The following MIPOL1 variants were observed in gnomAD, a reference collection of about 807,000 sequenced individuals.
The protein encoded by MIPOL1 is mirror-image polydactyly 1, also known as mirror-image polydactyly gene 1 protein.
Under a neutral mutation model 60.9 loss-of-function variants are expected in MIPOL1, and 57 were observed. The ratio of observed to expected loss-of-function variants is 0.94; its 90% CI spans 0.76 to 1.17. The LOEUF (loss-of-function observed/expected upper bound fraction) is 1.17. Among genes scored for constraint, MIPOL1 ranks in the 50% most tolerant of loss-of-function variants. The pLI is 0.00. For missense variants in MIPOL1, 551 were observed against 511.6 expected (o/e 1.08, Z -0.74); for synonymous variants, 179 against 168.8 (o/e 1.06, Z -0.47).
chr14:37,290,808 C>T (rs541409436), intron 7 of MIPOL1, among the ~76,000 whole-genome samples: 3 of 151,774 alleles, frequency 2.0e-5, no homozygotes, highest in Non-Finnish European at 4.4e-5. Context: ...ATTTCATCAC[C>T]CCAGTATTAA....
chr14:37,477,385 G>A (rs2094793710), intron 11 of MIPOL1, among the ~76,000 whole-genome samples: 1 of 151,930 alleles, frequency 6.6e-6, no homozygotes, highest in African/African-American at 2.4e-5. Flanking sequence ...TTATTTTATT[G>A]AATCTGTTTA....
At chr14:37,287,157 C>T (rs2084640370) in intron 7 of MIPOL1, among the ~76,000 whole-genome samples, 2 of 151,646 alleles carry the variant, frequency 1.3e-5, no homozygotes, top group African/African-American at 4.8e-5. Context: ...AGGACTTACA[C>T]AGGTTGTCAT....
chr14:37,338,508 A>G, intron 9 of MIPOL1, among the ~76,000 whole-genome samples: 1 of 151,544 alleles, frequency 6.6e-6, no homozygotes, highest in Non-Finnish European at 1.5e-5. Flanking sequence ...TCCCAGATTC[A>G]AGTGATTTTC....
chr14:37,486,650 A>T (rs147410984), intron 11 of MIPOL1, among the ~76,000 whole-genome samples: 1 of 152,128 alleles, frequency 6.6e-6, no homozygotes, highest in Non-Finnish European at 1.5e-5. Context: ...GTGTATAGGA[A>T]TGCTTGTGAT....
At chr14:37,460,322 T>C (rs114907494) in intron 11 of MIPOL1, among the ~76,000 whole-genome samples, 194 of 152,192 alleles carry the variant, frequency 1.3e-3, no homozygotes, top group African/African-American at 4.3e-3. Context: ...CATCTCTTCA[T>C]GATAAAAACC....
chr14:37,423,076 T>C, intron 11 of MIPOL1, 127 bp downstream of exon 11: 1 of 590,914 alleles, frequency 1.7e-6, no homozygotes, highest in Non-Finnish European at 3.0e-6. Context: ...AAAGCATTTT[T>C]ATAACTAAAA....
At chr14:37,439,651 T>G (rs1455683149) in intron 11 of MIPOL1, among the ~76,000 whole-genome samples, 2 of 152,088 alleles carry the variant, frequency 1.3e-5, no homozygotes, top group Non-Finnish European at 2.9e-5. Context: ...CCTGAAAACG[T>G]CAACCCCTGG....
Position 37,450,160 on chromosome 14 carries a change from C to T in MIPOL1, c.1031+27211C>T, listed in dbSNP as rs375683013. On this transcript the variant is annotated intron_variant, in intron 11 of 12. Transcript: ENST00000684589. ...TGTGCATCATTATTTCAGCTCTTCCCATCCTGTCACTCTTAATTTCTGTTT... is the reference window on the plus strand; with the variant it reads ...TGTGCATCATTATTTCAGCTCTTCCTATCCTGTCACTCTTAATTTCTGTTT... 7.9e-5 allele frequency among the ~76,000 whole-genome samples: 12 copies of T among 151,960 alleles called. No individual in the cohort carries two copies. The East Asian group carries it at 1.9e-3, about 24-fold the overall frequency.
intron 10 of MIPOL1, among the ~76,000 whole-genome samples, chr14:37,382,030 G>A (rs1224920728): frequency 6.6e-6 from 1 of 151,976 alleles, no homozygotes; most frequent in Non-Finnish European, 1.5e-5. Flanking sequence ...GATGATGTCA[G>A]TATTTTGGAA....
At chr14:37,501,019 T>C (rs915795380) in intron 12 of MIPOL1, among the ~76,000 whole-genome samples, 1 of 152,232 alleles carries the variant, frequency 6.6e-6, no homozygotes, top group East Asian at 1.9e-4. Context: ...TACTTCTTAT[T>C]TGAAAATGTC....
At chr14:37,403,018 T>C (rs1320607108) in intron 10 of MIPOL1, among the ~76,000 whole-genome samples, 1 of 152,164 alleles carries the variant, frequency 6.6e-6, no homozygotes, top group African/African-American at 2.4e-5. Flanking sequence ...AGCTGTTACA[T>C]TGCTTGTGTA....
At chr14:37,467,768 T>A (rs1257086401) in intron 11 of MIPOL1, among the ~76,000 whole-genome samples, 1 of 152,024 alleles carries the variant, frequency 6.6e-6, no homozygotes, top group Non-Finnish European at 1.5e-5. Context: ...AGGTTAGAGA[T>A]TTTTGGCCGG....
At chr14:37,300,106 T>G (rs1425469897) in intron 7 of MIPOL1, among the ~76,000 whole-genome samples, 1 of 151,722 alleles carries the variant, frequency 6.6e-6, no homozygotes, top group Non-Finnish European at 1.5e-5. Context: ...ATATTAACCT[T>G]GATCATCTGG....
chr14:37,524,565 C>CTTTTT lies in MIPOL1; in HGVS notation c.1263-22336_1263-22335insTTTTT, dbSNP rs1173993657. ...TCTTGACATCTTAATTTTTCTTTTT[C>CTTTTT]TTTTCTTTTTTTTTTTTTTTGAGAT... is the stretch of plus-strand genomic sequence containing the variant. On this transcript the variant is annotated intron_variant, in intron 12 of 12. Transcript: ENST00000684589. 3.8e-4 allele frequency among the ~76,000 whole-genome samples: 48 copies of CTTTTT among 124,810 alleles called. 3 individuals are homozygous for CTTTTT. The highest frequency in any genetic ancestry group is 4.7e-4 in the Non-Finnish European group (29 of 61,690). 81.9% of individuals were successfully genotyped at this position (124,810 alleles called of 152,430 possible). A position where few individuals can be genotyped will look rare whatever the true frequency, so the allele number is the denominator to read the frequency against.
chr14:37,538,709 A>T (rs1008459778), intron 12 of MIPOL1, among the ~76,000 whole-genome samples: 6 of 152,182 alleles, frequency 3.9e-5, no homozygotes, highest in African/African-American at 7.2e-5. Context: ...ACTTCTGAAC[A>T]AGGTCTCAGG....
chr14:37,454,348 T>C (rs1490522605), intron 11 of MIPOL1, among the ~76,000 whole-genome samples: 1 of 152,206 alleles, frequency 6.6e-6, no homozygotes, highest in Admixed American at 6.5e-5. Context: ...TTTCCCATAC[T>C]GCCTAGGCAG....
At chr14:37,530,466 C>A (rs1347358883) in intron 12 of MIPOL1, among the ~76,000 whole-genome samples, 1 of 152,116 alleles carries the variant, frequency 6.6e-6, no homozygotes, top group Admixed American at 6.6e-5. Flanking sequence ...AATAGAAATA[C>A]CCATGAGAAT....
intron 7 of MIPOL1, among the ~76,000 whole-genome samples, chr14:37,307,457 T>C (rs966426523): frequency 3.9e-5 from 6 of 151,998 alleles, no homozygotes; most frequent in African/African-American, 1.4e-4. Flanking sequence ...GGGGAGCCAG[T>C]TTTTATTTTT....
At chr14:37,319,982 T>A (rs1228840685) in intron 9 of MIPOL1, among the ~76,000 whole-genome samples, 1 of 152,208 alleles carries the variant, frequency 6.6e-6, no homozygotes, top group Non-Finnish European at 1.5e-5. Context: ...TTATTAATAA[T>A]GTGTCTTTTT....
Sources: allele counts gnomAD v4.1 joint callset (sites outside exome capture counted in the v4.1 genomes callset), GRCh38; gene constraint gnomAD v4.1.1; transcripts MANE v1.5; gene names NCBI Gene and HGNC (gene_info 2026-07-23, HGNC 2026-07-21).